The following TENM3 variants were observed in gnomAD, a reference collection of about 807,000 sequenced individuals.
TENM3 encodes teneurin transmembrane protein 3, also known as teneurin-3.
In TENM3, 63 loss-of-function variants were observed where a neutral mutation model predicts 255.1. That is an observed-to-expected ratio of 0.25 (90% CI 0.20 to 0.30). The LOEUF is 0.30. TENM3 is among the 10% of genes least tolerant of loss of function. The probability of loss-of-function intolerance (pLI) is 1.00; values close to 1 mark genes in which losing one functional copy is unlikely to be tolerated. For synonymous variants in TENM3, 1,306 were observed against 1,322.3 expected (o/e 0.99, Z 0.27); for missense variants, 2,929 against 3,461.1 (o/e 0.85, Z 3.86).
intron 1 of TENM3, among the ~76,000 whole-genome samples, chr4:182,169,904 C>A (rs1352109507): frequency 6.6e-6 from 1 of 151,814 alleles, no homozygotes; most frequent in Non-Finnish European, 1.5e-5. Context: ...ATCTTACCAT[C>A]TGGTAGAAAG....
chr4:182,553,317 G>C (rs1366735689), intron 3 of TENM3, among the ~76,000 whole-genome samples: 1 of 148,308 alleles, frequency 6.7e-6, no homozygotes, highest in East Asian at 2.0e-4. Flanking sequence ...ACTCATAGGT[G>C]GGAATTGAAC....
chr4:182,345,243 G>A (rs998502870), intron 2 of TENM3, among the ~76,000 whole-genome samples: 6 of 151,998 alleles, frequency 3.9e-5, no homozygotes, highest in African/African-American at 1.4e-4. Context: ...CAGCCTGGAG[G>A]GTGCTAATAT....
the TENM3 span, among the ~76,000 whole-genome samples, chr4:181,940,133 T>C: frequency 6.6e-6 from 1 of 152,232 alleles, no homozygotes; most frequent in Non-Finnish European, 1.5e-5. Flanking sequence ...CTTTGAAGTA[T>C]GCTCAATGAA....
chr4:182,788,550 A>T (rs1476876429), intron 24 of TENM3, among the ~76,000 whole-genome samples: 2 of 152,162 alleles, frequency 1.3e-5, no homozygotes, highest in Non-Finnish European at 2.9e-5. Context: ...TTCTCAAAAA[A>T]CTGTGACGTT....
At chr4:181,862,832 C>T in the TENM3 span, among the ~76,000 whole-genome samples, 371 of 152,104 alleles carry the variant, frequency 2.4e-3, 1 homozygote, top group African/African-American at 8.6e-3. Context: ...ACATATGAAA[C>T]ATGAAAGGTA....
In TENM3 at chr4:182,342,652, T is replaced by C. The variant is rs542108623; in HGVS notation, c.233-3999T>C. Among the ~76,000 whole-genome samples the C allele has an allele frequency of 2.6e-5, 4 of 152,302 alleles. No homozygotes were observed. The South Asian group carries it at 8.3e-4, about 32-fold the overall frequency. On this transcript the variant is annotated intron_variant, in intron 2 of 27. Coordinates refer to ENST00000511685, the MANE Select transcript of TENM3 (RefSeq NM_001080477.4). ...TGAGTTATGTTTCAATAAAACTGTT[T>C]GTTTTTTTAAAGGAACAAACAAGCA...
chr4:181,529,997 T>C, the TENM3 span, among the ~76,000 whole-genome samples: 56 of 152,306 alleles, frequency 3.7e-4, no homozygotes, highest in Non-Finnish European at 7.6e-4. Context: ...TACAGGAGCG[T>C]TTGGAAATCA....
intron 12 of TENM3, among the ~76,000 whole-genome samples, chr4:182,700,546 A>G (rs1206793151): frequency 2.0e-5 from 3 of 152,180 alleles, no homozygotes; most frequent in Non-Finnish European, 2.9e-5. Context: ...GCTCTTCATG[A>G]TAAGTTCAGT....
chr4:182,249,602 G>C (rs895749140), intron 1 of TENM3, among the ~76,000 whole-genome samples: 1 of 152,104 alleles, frequency 6.6e-6, no homozygotes, highest in African/African-American at 2.4e-5. Context: ...ATCATACAAC[G>C]AATGGGGTGG....
the TENM3 span, among the ~76,000 whole-genome samples, chr4:181,853,556 G>A: frequency 6.6e-6 from 1 of 152,192 alleles, no homozygotes; most frequent in Non-Finnish European, 1.5e-5. Flanking sequence ...CCCTTTTGGT[G>A]AAGAGATACT....
At chr4:181,864,708 G>T in the TENM3 span, among the ~76,000 whole-genome samples, 1 of 152,114 alleles carries the variant, frequency 6.6e-6, no homozygotes, top group Non-Finnish European at 1.5e-5. Context: ...TAAACCGCCC[G>T]TATAGGTATG....
the TENM3 span, among the ~76,000 whole-genome samples, chr4:181,681,207 T>C: frequency 2.0e-5 from 3 of 152,040 alleles, no homozygotes; most frequent in African/African-American, 7.2e-5. Context: ...AAAAAGACTT[T>C]GGAGGTCAAA....
At chr4:182,150,243 AAGAGAAAGAG>A (rs1486712102) in intron 1 of TENM3, among the ~76,000 whole-genome samples, 5 of 151,858 alleles carry the variant, frequency 3.3e-5, no homozygotes, top group Non-Finnish European at 7.4e-5. Context: ...GGAGGGGAGT[AAGAGAAAGAG>A]AGAGAAAGAG....
At chr4:182,135,873 C>T in the TENM3 span, among the ~76,000 whole-genome samples, 2 of 152,184 alleles carry the variant, frequency 1.3e-5, no homozygotes, top group African/African-American at 4.8e-5. Flanking sequence ...TGAGACTGAA[C>T]CCTAAATGAT....
intron 3 of TENM3, among the ~76,000 whole-genome samples, chr4:182,445,720 C>T (rs1043798523): frequency 1.3e-5 from 2 of 151,978 alleles, no homozygotes; most frequent in African/African-American, 4.8e-5. Flanking sequence ...GAACTGAATT[C>T]AGTTTTAAGT....
At chr4:182,576,831 C>G (rs1349157119) in intron 3 of TENM3, among the ~76,000 whole-genome samples, 1 of 152,206 alleles carries the variant, frequency 6.6e-6, no homozygotes, top group Non-Finnish European at 1.5e-5. Flanking sequence ...TAAAATGTGT[C>G]TCTGACCTTA....
At chr4:181,751,005 C>A in the TENM3 span, among the ~76,000 whole-genome samples, 1 of 152,124 alleles carries the variant, frequency 6.6e-6, no homozygotes, top group African/African-American at 2.4e-5. Context: ...TTTCAGCATG[C>A]AATAATTTGT....
At chr4:182,159,672 T>C (rs1174645956) in intron 1 of TENM3, among the ~76,000 whole-genome samples, 2 of 152,070 alleles carry the variant, frequency 1.3e-5, no homozygotes, top group African/African-American at 2.4e-5. Flanking sequence ...AGTTACCCAT[T>C]AGAAGCGCTC....
chr4:181,460,602 TTC>T, the TENM3 span, among the ~76,000 whole-genome samples: 29 of 121,916 alleles, frequency 2.4e-4, no homozygotes, highest in Middle Eastern at 4.3e-3. Context: ...TTACCTTTTT[TTC>T]TGCATTAATT....
Sources: gnomAD v4.1 joint callset for allele counts (sites outside exome capture counted in the v4.1 genomes callset) on GRCh38, gnomAD v4.1.1 for gene constraint, MANE v1.5 for transcripts, NCBI Gene and HGNC (gene_info 2026-07-23, HGNC 2026-07-21) for gene names.